CHCHD3: variants seen among roughly 807,000 people sequenced by gnomAD.
The protein encoded by CHCHD3 is coiled-coil-helix-coiled-coil-helix domain containing 3.
A neutral mutation model predicts 38.2 loss-of-function variants in CHCHD3; 20 were observed. The observed-to-expected ratio is 0.52, with a 90% CI of 0.37 to 0.76. CHCHD3 has a LOEUF of 0.76. Ranked by LOEUF, CHCHD3 falls within the 30% of genes least tolerant of loss-of-function variation. The probability of loss-of-function intolerance (pLI) is 0.00; values close to 1 mark genes in which losing one functional copy is unlikely to be tolerated. For missense variants in CHCHD3, 245 were observed against 279.2 expected (o/e 0.88, Z 0.87); for synonymous variants, 82 against 100.0 (o/e 0.82, Z 1.07).
rs142729734 is a variant in CHCHD3, at chr7:132,812,018, T to C, written c.525-15441A>G. Among the ~76,000 whole-genome samples, 129 of 152,086 alleles carry C rather than the reference T, an allele frequency of 8.5e-4. 1 individual carries two copies. Among genetic ancestry groups the C allele is most frequent in the Non-Finnish European group, 1.6e-3 (108 of 67,972 alleles). ...TACCACATGTTTAAAACTGAACTAA[T>C]TCCCTCCTCTACCTCCAATTTATTT... is the stretch of plus-strand genomic sequence containing the variant. On this transcript the variant is annotated intron_variant, in intron 6 of 7. Transcript: ENST00000262570.
chr7:133,072,689 A>T (rs1026436989), intron 1 of CHCHD3, among the ~76,000 whole-genome samples: 2 of 152,066 alleles, frequency 1.3e-5, no homozygotes, highest in Non-Finnish European at 2.9e-5. Context: ...AATACAAAAA[A>T]TTAGCTGGGC....
intron 6 of CHCHD3, among the ~76,000 whole-genome samples, chr7:132,819,492 T>A (rs1479623433): frequency 6.6e-6 from 1 of 152,192 alleles, no homozygotes; most frequent in Non-Finnish European, 1.5e-5. Flanking sequence ...GGACATTTTA[T>A]AAGAGTTCAA....
chr7:133,007,821 G>A (rs1812741217), intron 3 of CHCHD3, among the ~76,000 whole-genome samples: 2 of 152,120 alleles, frequency 1.3e-5, no homozygotes, highest in Admixed American at 6.5e-5. Flanking sequence ...CTCAACATCT[G>A]ATATTATATG....
chr7:132,793,379 A>G (rs1806515644), intron 7 of CHCHD3, among the ~76,000 whole-genome samples: 1 of 152,250 alleles, frequency 6.6e-6, no homozygotes, highest in Admixed American at 6.5e-5. Context: ...TAAATGCTGT[A>G]TCTCATACAG....
chr7:132,879,970 T>G (rs1809012225), intron 5 of CHCHD3, among the ~76,000 whole-genome samples: 1 of 152,280 alleles, frequency 6.6e-6, no homozygotes, highest in South Asian at 2.1e-4. Flanking sequence ...TATTCTTTTT[T>G]GGTCAAATTT....
At chr7:133,006,439 C>T (rs1812701960) in intron 3 of CHCHD3, among the ~76,000 whole-genome samples, 1 of 151,698 alleles carries the variant, frequency 6.6e-6, no homozygotes, top group South Asian at 2.1e-4. Flanking sequence ...TGCACTCCAG[C>T]CTGGGCAACA....
At chr7:132,875,314 C>A (rs543494927) in intron 5 of CHCHD3, among the ~76,000 whole-genome samples, 2 of 152,150 alleles carry the variant, frequency 1.3e-5, no homozygotes, top group Admixed American at 1.3e-4. Context: ...TGGACGAACA[C>A]ATTAATTTTA....
intron 6 of CHCHD3, among the ~76,000 whole-genome samples, chr7:132,805,945 G>A (rs929534343): frequency 1.3e-5 from 2 of 152,190 alleles, no homozygotes; most frequent in African/African-American, 4.8e-5. Flanking sequence ...TCCTCACCAC[G>A]ATCTAAAGCG....
chr7:132,847,567 GC>G lies in CHCHD3; in HGVS notation c.454-9099del, dbSNP rs1182080987. 2.0e-5 allele frequency among the ~76,000 whole-genome samples: 3 copies of G among 152,322 alleles called. No homozygotes were observed. In the East Asian group the frequency reaches 5.8e-4, roughly 29 times the overall value. ...ATCATTCCCAAGTTTCTCTGGGCTG[GC>G]CGTGGCCCAGGATTTTGAATGTGCG... On this transcript the variant is annotated intron_variant, in intron 5 of 7. Transcript: ENST00000262570.
intron 3 of CHCHD3, among the ~76,000 whole-genome samples, chr7:132,980,929 A>G (rs1811902159): frequency 6.6e-6 from 1 of 152,204 alleles, no homozygotes; most frequent in Non-Finnish European, 1.5e-5. Context: ...TTAGCAAGGC[A>G]TTAACATATT....
chr7:132,911,614 T>C (rs1809954267), intron 4 of CHCHD3, among the ~76,000 whole-genome samples: 1 of 152,266 alleles, frequency 6.6e-6, no homozygotes, highest in South Asian at 2.1e-4. Flanking sequence ...TACCGTTATA[T>C]TTAAAACTTA....
intron 5 of CHCHD3, among the ~76,000 whole-genome samples, chr7:132,860,260 C>T (rs183867143): frequency 1.2e-3 from 187 of 151,494 alleles, no homozygotes; most frequent in Admixed American, 2.3e-3. Context: ...GAGTGAGACT[C>T]GATCTCAAAA....
Position 133,035,039 on chromosome 7 carries a change from C to T in CHCHD3, c.170-10412G>A, listed in dbSNP as rs759424265. ...GTGTGTCCTCATTGGAGTACTTGCG[C>T]TTAAATTCATCCAACACAAAGGTAC... On this transcript the variant is annotated intron_variant, in intron 2 of 7. Transcript: ENST00000262570. The surrounding 1 kb of genome is among the most constrained non-coding windows in gnomAD (Gnocchi z 4.7). 8.1e-6 allele frequency: 13 copies of T among 1,613,538 alleles called. No individual in the cohort carries two copies. Among genetic ancestry groups the T allele is most frequent in the East Asian group, 4.5e-5 (2 of 44,852 alleles).
intron 2 of CHCHD3, among the ~76,000 whole-genome samples, chr7:133,041,095 A>G (rs1813824936): frequency 6.6e-6 from 1 of 152,168 alleles, no homozygotes; most frequent in African/African-American, 2.4e-5. Flanking sequence ...GCCTCGATCT[A>G]AAACCCTGCC....
intron 6 of CHCHD3, among the ~76,000 whole-genome samples, chr7:132,833,033 C>G (rs911227212): frequency 6.6e-6 from 1 of 152,130 alleles, no homozygotes; most frequent in Non-Finnish European, 1.5e-5. Flanking sequence ...TTTTGATAAT[C>G]AAATGCAGTA....
At chr7:132,922,117 T>C (rs1442754402) in intron 4 of CHCHD3, among the ~76,000 whole-genome samples, 2 of 152,042 alleles carry the variant, frequency 1.3e-5, no homozygotes, top group Non-Finnish European at 2.9e-5. Flanking sequence ...GGAAAAAAAC[T>C]GTTCCCAGCT....
intron 6 of CHCHD3, among the ~76,000 whole-genome samples, chr7:132,820,816 T>C (rs1474987090): frequency 1.3e-5 from 2 of 152,034 alleles, no homozygotes; most frequent in Non-Finnish European, 2.9e-5. Context: ...TTGTTCAGTA[T>C]ACACTACCAA....
chr7:132,828,352 A>G (rs898103003), intron 6 of CHCHD3, among the ~76,000 whole-genome samples: 3 of 152,192 alleles, frequency 2.0e-5, no homozygotes, highest in Non-Finnish European at 4.4e-5. Flanking sequence ...CTAATGATGT[A>G]GAAACTCCTT....
chr7:132,804,264 C>T (rs989881619), intron 6 of CHCHD3, among the ~76,000 whole-genome samples: 2 of 152,156 alleles, frequency 1.3e-5, no homozygotes, highest in African/African-American at 4.8e-5. Context: ...TATCACTTTC[C>T]TCAATCTATT....
Sources: allele counts gnomAD v4.1 joint callset (sites outside exome capture counted in the v4.1 genomes callset), GRCh38; gene constraint gnomAD v4.1.1; non-coding constraint Gnocchi (gnomAD v3.1); transcripts MANE v1.5; gene names NCBI Gene and HGNC (gene_info 2026-07-23, HGNC 2026-07-21).